Variants in NDUFAF2 observed in about 807,000 individuals in gnomAD.
The protein encoded by NDUFAF2 is NADH:ubiquinone oxidoreductase complex assembly factor 2.
NDUFAF2 carries 13 observed loss-of-function variants against 22.8 expected under a neutral mutation model. The observed-to-expected ratio is 0.57, with a 90% CI of 0.37 to 0.91. The LOEUF (loss-of-function observed/expected upper bound fraction) is 0.91. Among genes scored for constraint, NDUFAF2 ranks in the 40% least tolerant of loss-of-function variants. The pLI is 0.01. For synonymous variants in NDUFAF2, 53 were observed against 64.2 expected (o/e 0.83, Z 0.84); for missense variants, 162 against 195.2 (o/e 0.83, Z 1.01).
At chr5:61,045,300 T>G (rs189589286) in intron 1 of NDUFAF2, among the ~76,000 whole-genome samples, 1 of 147,404 alleles carries the variant, frequency 6.8e-6, no homozygotes, top group Admixed American at 6.7e-5. Context: ...TAAATTTTAA[T>G]AAAATAAAAT....
chr5:61,067,392 G>A (rs1752244170), intron 1 of NDUFAF2, among the ~76,000 whole-genome samples: 1 of 145,140 alleles, frequency 6.9e-6, no homozygotes, highest in Non-Finnish European at 1.5e-5. Context: ...TCCCACCTAT[G>A]AGTGAGAACA....
chr5:61,056,919 A>AAAAAAT (rs1752105032), intron 1 of NDUFAF2, among the ~76,000 whole-genome samples: 1 of 28,808 alleles, frequency 3.5e-5, no homozygotes, highest in African/African-American at 1.6e-4. Flanking sequence ...AAAAAAAAAA[A>AAAAAAT]ATATATATAT....
chr5:61,021,326 G>A (rs1474982519), intron 1 of NDUFAF2, among the ~76,000 whole-genome samples: 7 of 134,966 alleles, frequency 5.2e-5, no homozygotes, highest in Non-Finnish European at 1.1e-4. Flanking sequence ...CTTGGCTTGT[G>A]ATCCCTTTGT....
At chr5:61,148,421 CCTCTTACTAACATCTCTACCCATTTCAGA>C (rs1561140102) in intron 3 of NDUFAF2, among the ~76,000 whole-genome samples, 3 of 152,148 alleles carry the variant, frequency 2.0e-5, no homozygotes, top group African/African-American at 7.2e-5. Context: ...TAGTAGATTA[CCTCTTACTAACATCTCTACCCATTTCAGA>C]GAGAGATGTG....
intron 1 of NDUFAF2, among the ~76,000 whole-genome samples, chr5:61,012,693 T>C (rs563591852): frequency 6.6e-6 from 1 of 152,202 alleles, no homozygotes; most frequent in Non-Finnish European, 1.5e-5. Context: ...TGGATCTATA[T>C]TTCTCTACTT....
intron 1 of NDUFAF2, among the ~76,000 whole-genome samples, chr5:61,063,343 T>A (rs1370878007): frequency 1.4e-5 from 2 of 146,758 alleles, no homozygotes; most frequent in Non-Finnish European, 1.5e-5. Flanking sequence ...TCAAAAAAGT[T>A]AAAAAAAAAA....
intron 1 of NDUFAF2, among the ~76,000 whole-genome samples, chr5:61,010,252 G>A (rs1751426651): frequency 6.6e-6 from 1 of 152,014 alleles, no homozygotes. Flanking sequence ...CAGTGACTTT[G>A]TACCATCCTT....
chr5:60,946,118 G>A (rs1750449012), intron 1 of NDUFAF2, among the ~76,000 whole-genome samples: 1 of 152,104 alleles, frequency 6.6e-6, no homozygotes, highest in Non-Finnish European at 1.5e-5. Context: ...GTAAGGAGGC[G>A]TTGCTGTCCA....
intron 1 of NDUFAF2, among the ~76,000 whole-genome samples, chr5:61,005,777 T>C (rs1367938489): frequency 6.6e-6 from 1 of 152,216 alleles, no homozygotes; most frequent in African/African-American, 2.4e-5. Flanking sequence ...TGCCCACTTG[T>C]TGATGGGGTT....
At chr5:61,140,822 G>A (rs762644839) in intron 3 of NDUFAF2, among the ~76,000 whole-genome samples, 11 of 152,172 alleles carry the variant, frequency 7.2e-5, no homozygotes, top group Non-Finnish European at 1.3e-4. Context: ...CTGATCACAT[G>A]CTTACTTTTT....
chr5:61,120,310 A>C lies in NDUFAF2; in HGVS notation c.258+21278A>C, dbSNP rs915470421. Among the ~76,000 whole-genome samples the C allele has an allele frequency of 2.0e-5, 3 of 152,296 alleles. No individual in the cohort carries two copies. In the East Asian group the frequency reaches 5.8e-4, roughly 29 times the overall value. ...AATCTGTACTCTTACCTGGTAAGCT[A>C]TTCTGCCTCTCAAACTGTAGATGTT... is the stretch of plus-strand genomic sequence containing the variant. On this transcript the variant is annotated intron_variant, in intron 3 of 3. Coordinates refer to ENST00000296597, the MANE Select transcript of NDUFAF2 (RefSeq NM_174889.5).
chr5:61,104,545 C>T (rs760179743), intron 3 of NDUFAF2, among the ~76,000 whole-genome samples: 14 of 152,034 alleles, frequency 9.2e-5, no homozygotes, highest in Admixed American at 2.0e-4. Flanking sequence ...GATACTGCTG[C>T]GGTCTAAAAA....
intron 1 of NDUFAF2, among the ~76,000 whole-genome samples, chr5:61,000,618 A>G (rs553578727): frequency 1.3e-5 from 2 of 151,060 alleles, no homozygotes; most frequent in Non-Finnish European, 2.9e-5. Flanking sequence ...TGCATTCTTC[A>G]GGTTAACCCT....
At chr5:60,982,446 C>A (rs990089799) in intron 1 of NDUFAF2, among the ~76,000 whole-genome samples, 3 of 151,900 alleles carry the variant, frequency 2.0e-5, no homozygotes, top group African/African-American at 7.3e-5. Context: ...ATGTACACAA[C>A]GTACAGGTTT....
At chr5:60,974,747 T>C (rs1482522961) in intron 1 of NDUFAF2, among the ~76,000 whole-genome samples, 2 of 152,204 alleles carry the variant, frequency 1.3e-5, no homozygotes, top group Non-Finnish European at 2.9e-5. Flanking sequence ...TTGTTTTTCA[T>C]GAATGATTGT....
chr5:61,034,438 G>T (rs1006408197), intron 1 of NDUFAF2, among the ~76,000 whole-genome samples: 1 of 152,070 alleles, frequency 6.6e-6, no homozygotes, highest in Admixed American at 6.6e-5. Context: ...GTAACACAAC[G>T]GTATTTGTGT....
intron 2 of NDUFAF2, among the ~76,000 whole-genome samples, chr5:61,085,976 G>T (rs1031237138): frequency 1.3e-5 from 2 of 152,028 alleles, no homozygotes; most frequent in Non-Finnish European, 2.9e-5. Context: ...TTAGCCAGGT[G>T]TGGTGGTGTG....
chr5:61,125,835 T>C (rs952241094), intron 3 of NDUFAF2, among the ~76,000 whole-genome samples: 26 of 152,068 alleles, frequency 1.7e-4, no homozygotes, highest in Admixed American at 3.3e-4. Context: ...CTAAATAATC[T>C]TGGATAACTT....
chr5:60,982,479 A>C (rs1484442345), intron 1 of NDUFAF2, among the ~76,000 whole-genome samples: 1 of 151,876 alleles, frequency 6.6e-6, no homozygotes, highest in Non-Finnish European at 1.5e-5. Context: ...TATATGTGCC[A>C]TGTTGGTGTG....
Sources: gnomAD v4.1 joint callset for allele counts (sites outside exome capture counted in the v4.1 genomes callset) on GRCh38, gnomAD v4.1.1 for gene constraint, MANE v1.5 for transcripts, NCBI Gene and HGNC (gene_info 2026-07-23, HGNC 2026-07-21) for gene names.